Variants in MYH10 observed in about 807,000 individuals in gnomAD.
The protein encoded by MYH10 is myosin-10.
A neutral mutation model predicts 257.8 loss-of-function variants in MYH10; 55 were observed. The ratio of observed to expected loss-of-function variants is 0.21; its 90% CI spans 0.17 to 0.27. MYH10 has a LOEUF of 0.27. MYH10 is among the 10% of genes least tolerant of loss of function. MYH10 has a pLI of 1.00. For synonymous variants in MYH10, 854 were observed against 921.7 expected (o/e 0.93, Z 1.33); for missense variants, 1,631 against 2,500.6 (o/e 0.65, Z 7.42).
chr17:8,585,572 T>C (rs914047891), intron 4 of MYH10, among the ~76,000 whole-genome samples: 2 of 152,122 alleles, frequency 1.3e-5, no homozygotes, highest in Non-Finnish European at 2.9e-5. Flanking sequence ...ATTGTTTAAC[T>C]TTTTCATATT....
chr17:8,493,172 C>A, intron 32 of MYH10, 148 bp from the exon 33 acceptor site: 1 of 850,418 alleles, frequency 1.2e-6, no homozygotes, highest in Admixed American at 2.5e-5. Context: ...CCAGCCAGGC[C>A]AACATAGTGA....
chr17:8,495,654 G>A (rs1006912801), intron 30 of MYH10, among the ~76,000 whole-genome samples: 1 of 152,134 alleles, frequency 6.6e-6, no homozygotes, highest in South Asian at 2.1e-4. Context: ...TATGTTTTGG[G>A]AGGAAAGTAT....
At position 8,490,333 on chromosome 17, in the gene MYH10, G is replaced by C; in HGVS notation, c.4884+7C>G. ...CCTTGTTGTGGAGGCCGCACCCTCT[G>C]CCCTACCTGTTTGATCAGCAGCCGC... is the stretch of plus-strand genomic sequence containing the variant. On this transcript the variant is annotated splice_region_variant and intron_variant, in intron 35 of 42. Coordinates refer to ENST00000360416, the MANE Select transcript of MYH10 (RefSeq NM_001256012.3). The surrounding 1 kb of genome is among the most constrained non-coding windows in gnomAD (Gnocchi z 4.1). 6.2e-7 allele frequency: 1 copy of C among 1,612,848 alleles called. No individual in the cohort carries two copies. Among genetic ancestry groups the C allele is most frequent in the Non-Finnish European group, 8.5e-7 (1 of 1,179,936 alleles).
intron 4 of MYH10, 55 bp from the exon 5 acceptor site, chr17:8,577,393 C>T: frequency 1.0e-6 from 1 of 987,650 alleles, no homozygotes; most frequent in Non-Finnish European, 1.5e-6. Flanking sequence ...ACATGCATTC[C>T]AAAATTACAA....
At position 8,490,782 on chromosome 17, in the gene MYH10, G is replaced by A. The variant is rs138801580; in HGVS notation, c.4672-230C>T. ...ACAGTGCGGATGTCTTTATTCCCAC[G>A]TGTTCTCTGGTCATCCTCCTCTGAT... is the stretch of plus-strand genomic sequence containing the variant. On this transcript the variant is annotated intron_variant, in intron 34 of 42. Coordinates refer to ENST00000360416, the MANE Select transcript of MYH10 (RefSeq NM_001256012.3). This position sits in a 1 kb window ranked among gnomAD's most constrained non-coding sequence, Gnocchi z 4.1. Among the ~76,000 whole-genome samples, 6 of 152,288 alleles carry A rather than the reference G, an allele frequency of 3.9e-5. No homozygotes were observed. The highest frequency in any genetic ancestry group is 7.3e-5 in the Non-Finnish European group (5 of 68,036).
intron 1 of MYH10, among the ~76,000 whole-genome samples, chr17:8,626,568 AAATAATAATAAATAAT>A (rs2085684176): frequency 3.4e-5 from 3 of 89,256 alleles, no homozygotes. Context: ...CTCTGTCTCA[AAATAATAATAAATAAT>A]AATAATAATA....
At chr17:8,597,405 TTATA>T (rs1376262831) in intron 3 of MYH10, among the ~76,000 whole-genome samples, 1 of 150,978 alleles carries the variant, frequency 6.6e-6, no homozygotes, top group Non-Finnish European at 1.5e-5. Flanking sequence ...ATTTATATAC[TTATA>T]TACTTATTTA....
chr17:8,610,536 G>A (rs1050823732), intron 2 of MYH10, among the ~76,000 whole-genome samples: 2 of 152,182 alleles, frequency 1.3e-5, no homozygotes, highest in African/African-American at 4.8e-5. Flanking sequence ...ACAAAAGCAT[G>A]TGCTGGAAAT....
intron 2 of MYH10, among the ~76,000 whole-genome samples, chr17:8,605,987 TCTTAAAAATGTATTTA>T (rs2084785367): frequency 6.6e-6 from 1 of 152,170 alleles, no homozygotes; most frequent in Admixed American, 6.5e-5. Flanking sequence ...GATTTTTTTT[TCTTAAAAATGTATTTA>T]CTTATGTTAA....
At chr17:8,532,172 A>G (rs1196090893) in intron 16 of MYH10, among the ~76,000 whole-genome samples, 1 of 152,264 alleles carries the variant, frequency 6.6e-6, no homozygotes, top group East Asian at 1.9e-4. Context: ...GCAAACATGT[A>G]GGAGTATTCC....
chr17:8,480,132 C>T lies in MYH10; in HGVS notation c.5575G>A (p.Glu1859Lys), dbSNP rs149954707. 1.1e-5 allele frequency: 18 copies of T among 1,614,104 alleles called. No homozygotes were observed. The highest frequency in any genetic ancestry group is 1.5e-5 in the Non-Finnish European group (18 of 1,180,048). The change falls in exon 40 of 43, where the codon GAG (glutamate) becomes AAG (lysine). Residue 1859 changes from glutamate (E) to lysine (K), a missense_variant. Physicochemically the swap from Glu to Lys is moderately conservative, Grantham distance 56 (BLOSUM62 1). Coordinates refer to ENST00000360416, the MANE Select transcript of MYH10 (RefSeq NM_001256012.3). ...ALEAKIGQLE[E>K]QLEQEAKERA... ...TACTTGGCTTCCTGCTCAAGCTGCT[C>T]CTCCAGCTGCCCAATCTTGGCCTCC...
rs564982029 is a variant in MYH10 at position 8,608,623 on chromosome 17, G to T, written c.346-3641C>A. Among the ~76,000 whole-genome samples the T allele has an allele frequency of 1.4e-4, 22 of 152,230 alleles. No homozygotes were observed. The South Asian group carries it at 4.4e-3, about 30-fold the overall frequency. On this transcript the variant is annotated intron_variant, in intron 2 of 42. Coordinates refer to ENST00000360416, the MANE Select transcript of MYH10 (RefSeq NM_001256012.3). ...GGGAAAATCCTGAAGAGCTGCAAAG[G>T]CCTGAAAGGTTAAGTTTGCATAATA...
rs1388652911 is a variant in MYH10 at position 8,569,392 on chromosome 17, C to G, written c.756+328G>C. ...GCTCAGCGTGCACACCATTTATTCT[C>G]TACTCCGATTCCACTGACAGGTGTT... On this transcript the variant is annotated intron_variant, in intron 7 of 42. Transcript: ENST00000360416. This position sits in a 1 kb window ranked among gnomAD's most constrained non-coding sequence, Gnocchi z 4.1. Among the ~76,000 whole-genome samples, 4 of 152,170 alleles carry G rather than the reference C, an allele frequency of 2.6e-5. No homozygotes were observed. Among genetic ancestry groups the G allele is most frequent in the African/African-American group, 9.7e-5 (4 of 41,432 alleles).
intron 16 of MYH10, among the ~76,000 whole-genome samples, chr17:8,532,518 C>T (rs1353263663): frequency 2.0e-5 from 3 of 152,232 alleles, no homozygotes; most frequent in Non-Finnish European, 2.9e-5. Context: ...TAAGACATAG[C>T]ATCTGTGATC....
At chr17:8,546,473 C>T in intron 12 of MYH10, 71 bp downstream of exon 12, 1 of 1,232,146 alleles carries the variant, frequency 8.1e-7, no homozygotes, top group Non-Finnish European at 1.2e-6. Flanking sequence ...TGTTACATGT[C>T]AATCAGAAGG....
chr17:8,492,247 C>T (rs1915877675), intron 34 of MYH10, 50 bp downstream of exon 34: 4 of 1,571,096 alleles, frequency 2.5e-6, no homozygotes, highest in Non-Finnish European at 3.5e-6. Context: ...AGGCCCAGGC[C>T]CCTGGGATAC....
In MYH10 at chr17:8,548,696, C is replaced by T. The variant is rs2082523855; in HGVS notation, c.1011G>A (p.Gln337=). The T allele has an allele frequency of 6.2e-7, 1 of 1,613,890 alleles. No homozygotes were observed. The highest frequency in any genetic ancestry group is 1.1e-5 in the South Asian group (1 of 91,064). The change falls in exon 10 of 43, where the codon CAG becomes CAA. Residue 337 remains glutamine, a synonymous_variant. Transcript: ENST00000360416. ...IPGQQDKDNF[Q]ETMEAMHIMG... is the part of the protein sequence containing the mutation. Reference sequence around the variant, plus strand: ...TTATGTGCATTGCTTCCATGGTCTCCTGGAAATTATCTTTGTCTTGCTGTC... The same window carrying T: ...TTATGTGCATTGCTTCCATGGTCTCTTGGAAATTATCTTTGTCTTGCTGTC...
chr17:8,589,949 G>A (rs920847743), intron 3 of MYH10, among the ~76,000 whole-genome samples: 18 of 152,176 alleles, frequency 1.2e-4, no homozygotes, highest in African/African-American at 4.3e-4. Flanking sequence ...GGCTACGAAG[G>A]GGCAAGGTTG....
rs1480483504 is a variant in MYH10, at chr17:8,495,248, G to C, written c.3952-7C>G. 2 of 1,554,778 alleles carry C rather than the reference G, an allele frequency of 1.3e-6. No homozygotes were observed. Among genetic ancestry groups the C allele is most frequent in the Non-Finnish European group, 1.8e-6 (2 of 1,127,286 alleles). On this transcript the variant is annotated splice_region_variant and splice_polypyrimidine_tract_variant and intron_variant, in intron 30 of 42. Coordinates refer to ENST00000360416, the MANE Select transcript of MYH10 (RefSeq NM_001256012.3). ...AGACATTATCTAGCTCATTCTGTAAGGAGCAGAAGATTAAATTCAACTCAA... is the reference window on the plus strand; with the variant it reads ...AGACATTATCTAGCTCATTCTGTAACGAGCAGAAGATTAAATTCAACTCAA...
Sources: gnomAD v4.1 joint callset for allele counts (sites outside exome capture counted in the v4.1 genomes callset) on GRCh38, gnomAD v4.1.1 for gene constraint, Gnocchi (gnomAD v3.1) non-coding constraint, MANE v1.5 for transcripts, NCBI Gene and HGNC (gene_info 2026-07-23, HGNC 2026-07-21) for gene names.